PPAT: variants seen among roughly 807,000 people sequenced by gnomAD.
PPAT encodes the protein amidophosphoribosyltransferase.
Under a neutral mutation model 60.2 loss-of-function variants are expected in PPAT, and 20 were observed. That is an observed-to-expected ratio of 0.33 (90% CI 0.23 to 0.48). The LOEUF is 0.48. PPAT is among the 20% of genes least tolerant of loss of function. The pLI is 0.99. For missense variants in PPAT, 349 were observed against 629.6 expected (o/e 0.55, Z 4.77); for synonymous variants, 194 against 215.1 (o/e 0.90, Z 0.86).
intron 6 of PPAT, 61 bp downstream of exon 6, chr4:56,402,048 G>A (rs920304090): frequency 2.3e-6 from 3 of 1,312,574 alleles, no homozygotes; most frequent in Admixed American, 2.2e-5. Flanking sequence ...ATAAGAAACT[G>A]TCTAAAAAAA....
At chr4:56,419,619 T>A in intron 1 of PPAT, 8 of 960,736 alleles carry the variant, frequency 8.3e-6, no homozygotes, top group Non-Finnish European at 9.9e-6. Context: ...TGCAGGTATC[T>A]CTACGTCAGT....
At chr4:56,433,465 T>A in intron 1 of PPAT, among the ~76,000 whole-genome samples, 1 of 133,744 alleles carries the variant, frequency 7.5e-6, no homozygotes, top group Non-Finnish European at 1.6e-5. Context: ...AACTGGGTAC[T>A]AAAACTCCAA....
At chr4:56,419,228 A>G (rs1716919692) in intron 1 of PPAT, among the ~76,000 whole-genome samples, 1 of 152,242 alleles carries the variant, frequency 6.6e-6, no homozygotes, top group Non-Finnish European at 1.5e-5. Context: ...ATTTCAAAAC[A>G]AATTATCTAC....
intron 2 of PPAT, among the ~76,000 whole-genome samples, chr4:56,407,012 C>A (rs1716257542): frequency 6.6e-6 from 1 of 152,096 alleles, no homozygotes; most frequent in Non-Finnish European, 1.5e-5. Flanking sequence ...AGATACTATT[C>A]ACTAAAACAT....
chr4:56,434,778 A>G (rs1717805406), intron 1 of PPAT, among the ~76,000 whole-genome samples: 1 of 152,236 alleles, frequency 6.6e-6, no homozygotes, highest in Admixed American at 6.5e-5. Flanking sequence ...CATTCTCAAC[A>G]TCAACTAGTC....
chr4:56,429,215 A>G (rs1002547207), intron 1 of PPAT, among the ~76,000 whole-genome samples: 6 of 152,218 alleles, frequency 3.9e-5, no homozygotes, highest in Non-Finnish European at 7.3e-5. Context: ...ATATTTTAAA[A>G]GAAGAAGAAA....
chr4:56,414,879 C>A (rs757298384), intron 1 of PPAT, among the ~76,000 whole-genome samples: 1 of 152,202 alleles, frequency 6.6e-6, no homozygotes, highest in Admixed American at 6.5e-5. Flanking sequence ...CATTCCTCGA[C>A]AACATTTTAG....
Position 56,395,206 on chromosome 4 carries a change from GAAAAA to G in PPAT, c.*141_*145del. ...TTATCGCACTTTGGTATCCTTTTCA[GAAAAA>G]AAAAAAATCTCAAAACTTATAAACA... On this transcript the variant is annotated 3_prime_UTR_variant, in exon 11 of 11. Coordinates refer to ENST00000264220, the MANE Select transcript of PPAT (RefSeq NM_002703.5). 1.6e-6 allele frequency: 1 copy of G among 614,216 alleles called. No homozygotes were observed. The highest frequency in any genetic ancestry group is 4.4e-5 in the Admixed American group (1 of 22,746). The allele number at this position is 614,216 out of a possible 1,614,324, so 38.0% of individuals were successfully genotyped here. A position where few individuals can be genotyped will look rare whatever the true frequency, so the allele number is the denominator to read the frequency against.
chr4:56,395,854 A>C (rs977595636), intron 10 of PPAT, among the ~76,000 whole-genome samples: 4 of 152,170 alleles, frequency 2.6e-5, no homozygotes, highest in African/African-American at 9.6e-5. Flanking sequence ...AAAGTCAGGA[A>C]GATCTAGGCT....
chr4:56,398,063 T>C (rs903797859), intron 9 of PPAT, among the ~76,000 whole-genome samples: 1 of 151,720 alleles, frequency 6.6e-6, no homozygotes, highest in African/African-American at 2.4e-5. Context: ...AAAAAAGGCA[T>C]AAAGTGATAT....
In PPAT at chr4:56,394,655, A is replaced by G. The variant is rs983426299; in HGVS notation, c.*697T>C. 1.3e-5 allele frequency: 2 copies of G among 152,174 alleles called. No homozygotes were observed. Among genetic ancestry groups the G allele is most frequent in the Non-Finnish European group, 2.9e-5 (2 of 68,044 alleles). The allele number at this position is 152,174 out of a possible 1,614,324, so 9.4% of individuals were successfully genotyped here. A position where few individuals can be genotyped will look rare whatever the true frequency, so the allele number is the denominator to read the frequency against. On this transcript the variant is annotated 3_prime_UTR_variant, in exon 11 of 11. Coordinates refer to ENST00000264220, the MANE Select transcript of PPAT (RefSeq NM_002703.5). ...AGATCTGCCAATTATGTCTCCTTCC[A>G]TCATAATGAAATCTTAATTAATTGT... is the stretch of plus-strand genomic sequence containing the variant.
intron 1 of PPAT, chr4:56,421,661 A>C (rs1354952873): frequency 6.6e-6 from 1 of 152,242 alleles, no homozygotes; most frequent in Non-Finnish European, 1.5e-5. Context: ...TAAGACTGGA[A>C]ATGTTGGTGA....
intron 1 of PPAT, among the ~76,000 whole-genome samples, chr4:56,424,017 A>G (rs1307859649): frequency 6.6e-6 from 1 of 152,182 alleles, no homozygotes; most frequent in Non-Finnish European, 1.5e-5. Context: ...TAAAACAACA[A>G]CAAAGTGATG....
At chr4:56,432,979 T>TATAC (rs1044336368) in intron 1 of PPAT, among the ~76,000 whole-genome samples, 6 of 127,618 alleles carry the variant, frequency 4.7e-5, no homozygotes, top group African/African-American at 1.8e-4. Flanking sequence ...TATACATATA[T>TATAC]ACATACACAC....
At chr4:56,416,266 G>A (rs999338402) in intron 1 of PPAT, 12 of 158,200 alleles carry the variant, frequency 7.6e-5, no homozygotes, top group African/African-American at 2.9e-4. Flanking sequence ...TCACAAATCT[G>A]TTTTCAAGAA....
chr4:56,429,134 G>T lies in PPAT; in HGVS notation c.128+6216C>A, dbSNP rs535674624. 7.5e-5 allele frequency: 12 copies of T among 159,660 alleles called. No individual in the cohort carries two copies. The South Asian group carries it at 2.2e-3, about 29-fold the overall frequency. 9.9% of individuals were successfully genotyped at this position (159,660 alleles called of 1,614,324 possible). On this transcript the variant is annotated intron_variant, in intron 1 of 10. Transcript: ENST00000264220. ...AATATATTGTTTATGAACTGTATTA[G>T]AGCAGAGAATGCTGAGAAATAATTT...
intron 1 of PPAT, among the ~76,000 whole-genome samples, chr4:56,427,310 T>C (rs1717340361): frequency 6.6e-6 from 1 of 152,200 alleles, no homozygotes; most frequent in Non-Finnish European, 1.5e-5. Flanking sequence ...GTACTGTTTT[T>C]CCACAGCATG....
intron 1 of PPAT, chr4:56,410,881 C>A (rs1252644806): frequency 9.7e-6 from 9 of 930,484 alleles, no homozygotes; most frequent in Non-Finnish European, 1.1e-5. Flanking sequence ...CAAGTACAGC[C>A]CCAGAGACCA....
intron 6 of PPAT, among the ~76,000 whole-genome samples, chr4:56,401,860 A>G (rs1716119845): frequency 6.6e-6 from 1 of 152,184 alleles, no homozygotes; most frequent in Admixed American, 6.5e-5. Flanking sequence ...AGAGAAAAAT[A>G]TACAAAATAA....
Sources: allele counts gnomAD v4.1 joint callset (sites outside exome capture counted in the v4.1 genomes callset), GRCh38; gene constraint gnomAD v4.1.1; transcripts MANE v1.5; gene names NCBI Gene and HGNC (gene_info 2026-07-23, HGNC 2026-07-21).